Variants in PLCG2 observed in about 807,000 individuals in gnomAD.
PLCG2 encodes the protein 1-phosphatidylinositol 4,5-bisphosphate phosphodiesterase gamma-2.
In PLCG2, 69 loss-of-function variants were observed where a neutral mutation model predicts 175.6. The observed-to-expected ratio is 0.39, with a 90% CI of 0.32 to 0.48. The LOEUF is 0.48. Ranked by LOEUF, PLCG2 falls within the 20% of genes least tolerant of loss-of-function variation. The pLI is 0.91. For missense variants in PLCG2, 1,798 were observed against 1,650.9 expected (o/e 1.09, Z -1.54); for synonymous variants, 827 against 624.0 (o/e 1.33, Z -4.85).
At chr16:81,826,417 C>T (rs1905052366) in intron 2 of PLCG2, among the ~76,000 whole-genome samples, 1 of 152,228 alleles carries the variant, frequency 6.6e-6, no homozygotes, top group Non-Finnish European at 1.5e-5. Context: ...AGTTTCAGCT[C>T]TGCACTTACC....
intron 30 of PLCG2, among the ~76,000 whole-genome samples, chr16:81,943,375 G>C (rs1911029318): frequency 6.6e-6 from 1 of 152,186 alleles, no homozygotes; most frequent in Admixed American, 6.5e-5. Flanking sequence ...GGAAAAGAGA[G>C]CTAGTGAAGG....
intron 2 of PLCG2, among the ~76,000 whole-genome samples, chr16:81,764,271 T>C (rs1304237513): frequency 2.6e-5 from 4 of 152,128 alleles, no homozygotes; most frequent in African/African-American, 9.7e-5. Context: ...TACTGCACCC[T>C]GGGGGACAGA....
intron 22 of PLCG2, among the ~76,000 whole-genome samples, chr16:81,925,659 G>A (rs111639914): frequency 0.033 from 5,065 of 152,228 alleles, 269 homozygotes; most frequent in African/African-American, 0.11. Context: ...AGGCCGAGGC[G>A]GGTGGCTCAC....
intron 2 of PLCG2, among the ~76,000 whole-genome samples, chr16:81,844,512 G>A (rs762760375): frequency 1.3e-5 from 2 of 151,990 alleles, no homozygotes; most frequent in East Asian, 1.9e-4. Flanking sequence ...GGTAGAGACA[G>A]GGTTTTGCCA....
chr16:81,819,091 C>T (rs1442955745), intron 2 of PLCG2, among the ~76,000 whole-genome samples: 3 of 151,950 alleles, frequency 2.0e-5, no homozygotes, highest in Non-Finnish European at 2.9e-5. Flanking sequence ...GTCTACACAG[C>T]GGGGCATGGC....
At chr16:81,779,879 C>A (rs1597313652) in intron 1 of PLCG2, among the ~76,000 whole-genome samples, 1 of 152,352 alleles carries the variant, frequency 6.6e-6, no homozygotes, top group East Asian at 1.9e-4. Flanking sequence ...GGAGCGATAC[C>A]GCGGGAGGCG....
chr16:81,852,245 T>C (rs1310375070), intron 2 of PLCG2: 2 of 152,280 alleles, frequency 1.3e-5, no homozygotes, highest in African/African-American at 2.4e-5. Flanking sequence ...CCAGTAGTCC[T>C]GGCCAAATAA....
chr16:81,759,279 G>GT (rs1909991222), intron 2 of PLCG2, among the ~76,000 whole-genome samples: 1 of 151,814 alleles, frequency 6.6e-6, no homozygotes, highest in Non-Finnish European at 1.5e-5. Flanking sequence ...TTTGTTTTTG[G>GT]TTTTTAAAGC....
intron 7 of PLCG2, among the ~76,000 whole-genome samples, chr16:81,878,371 A>G (rs758692414): frequency 3.3e-5 from 5 of 152,168 alleles, no homozygotes; most frequent in Non-Finnish European, 7.3e-5. Context: ...TGCACCTTGC[A>G]AAGACCCTAA....
At chr16:81,832,088 T>A (rs1372298126) in intron 2 of PLCG2, among the ~76,000 whole-genome samples, 3 of 138,808 alleles carry the variant, frequency 2.2e-5, no homozygotes. Context: ...GCCTCAGTCT[T>A]CTCCTTTGAT....
chr16:81,877,819 T>A (rs1468654587), intron 7 of PLCG2, among the ~76,000 whole-genome samples: 2 of 151,604 alleles, frequency 1.3e-5, no homozygotes, highest in Admixed American at 1.3e-4. Flanking sequence ...CTCCTTGGCT[T>A]GTAGATGTCA....
chr16:81,802,731 C>T lies in PLCG2; in HGVS notation c.193+16549C>T, dbSNP rs1203802531. Among the ~76,000 whole-genome samples, 3 of 152,010 alleles carry T rather than the reference C, an allele frequency of 2.0e-5. No individual in the cohort carries two copies. In the East Asian group the frequency reaches 5.8e-4, roughly 29 times the overall value. On this transcript the variant is annotated intron_variant, in intron 2 of 32. Transcript: ENST00000564138. ...GGATTACAGGCATGCGCCACCACGC[C>T]CAGCTGATTTTGTATTTTTAGTAGG...
chr16:81,856,920 A>T (rs1906714865), intron 3 of PLCG2, among the ~76,000 whole-genome samples: 1 of 152,212 alleles, frequency 6.6e-6, no homozygotes. Flanking sequence ...AGGTCAGCAG[A>T]TGAGAGGCCA....
intron 2 of PLCG2, among the ~76,000 whole-genome samples, chr16:81,801,057 C>G (rs188053526): frequency 5.9e-4 from 90 of 152,262 alleles, no homozygotes; most frequent in African/African-American, 2.1e-3. Flanking sequence ...CCCAGTGATG[C>G]CTTGATTTTA....
intron 2 of PLCG2, among the ~76,000 whole-genome samples, chr16:81,817,054 C>G (rs1055799437): frequency 1.1e-4 from 17 of 152,166 alleles, no homozygotes; most frequent in African/African-American, 3.4e-4. Context: ...GCACAACCAT[C>G]ACAGTGTCCT....
intron 11 of PLCG2, among the ~76,000 whole-genome samples, chr16:81,893,005 CTGTTTTGTTT>C (rs371845782): frequency 2.0e-5 from 3 of 151,424 alleles, no homozygotes; most frequent in Non-Finnish European, 3.0e-5. Flanking sequence ...CCACCATGCC[CTGTTTTGTTT>C]TGTTTTGTTT....
intron 25 of PLCG2, 55 bp downstream of exon 25, chr16:81,931,709 G>A: frequency 6.5e-7 from 1 of 1,538,782 alleles, no homozygotes; most frequent in Non-Finnish European, 9.0e-7. Flanking sequence ...GGGCTTTGGT[G>A]CTCAGTTGGG....
chr16:81,792,480 C>CAAAAAAAAAAAAAAA lies in PLCG2; in HGVS notation c.193+6315_193+6329dup, dbSNP rs532680550. ...TGGGTGACAGAGCAAGGCTCTGTCTCAAAAAAAAAAAAAAAAAAAAAAAAA... is the reference window on the plus strand; with the variant it reads ...TGGGTGACAGAGCAAGGCTCTGTCTCAAAAAAAAAAAAAAAAAAAAAAAAAAAAAAAAAAAAAAAA... On this transcript the variant is annotated intron_variant, in intron 2 of 32. Transcript: ENST00000564138. Among the ~76,000 whole-genome samples, 22 of 70,154 alleles carry CAAAAAAAAAAAAAAA rather than the reference C, an allele frequency of 3.1e-4. 1 individual carries two copies. The highest frequency in any genetic ancestry group is 4.0e-4 in the African/African-American group (6 of 15,038). 46.0% of individuals were successfully genotyped at this position (70,154 alleles called of 152,430 possible). A position where few individuals can be genotyped will look rare whatever the true frequency, so the allele number is the denominator to read the frequency against.
At chr16:81,940,088 A>G in intron 30 of PLCG2, 29 bp downstream of exon 30, 1 of 1,582,446 alleles carries the variant, frequency 6.3e-7, no homozygotes, top group Non-Finnish European at 8.7e-7. Flanking sequence ...AAGATGTTCG[A>G]TTTGGGCTGG....
Sources: allele counts gnomAD v4.1 joint callset (sites outside exome capture counted in the v4.1 genomes callset), GRCh38; gene constraint gnomAD v4.1.1; transcripts MANE v1.5; gene names NCBI Gene and HGNC (gene_info 2026-07-23, HGNC 2026-07-21).